Variants in GOT2 observed in about 807,000 individuals in gnomAD.
GOT2 encodes the protein aspartate aminotransferase, mitochondrial.
GOT2 carries 17 observed loss-of-function variants against 50.0 expected under a neutral mutation model. The observed-to-expected ratio is 0.34, with a 90% CI of 0.23 to 0.51. The LOEUF is 0.51. Among genes scored for constraint, GOT2 ranks in the 20% least tolerant of loss-of-function variants. The probability of loss-of-function intolerance (pLI) is 0.97; values close to 1 mark genes in which losing one functional copy is unlikely to be tolerated. For missense variants in GOT2, 430 were observed against 559.6 expected (o/e 0.77, Z 2.34); for synonymous variants, 172 against 204.9 (o/e 0.84, Z 1.37).
At chr16:58,712,158 C>A (rs2044654177) in intron 8 of GOT2, among the ~76,000 whole-genome samples, 1 of 152,124 alleles carries the variant, frequency 6.6e-6, no homozygotes, top group Admixed American at 6.6e-5. Context: ...TTCTCTAACT[C>A]CCCACTAGAA....
intron 3 of GOT2, among the ~76,000 whole-genome samples, chr16:58,721,258 C>T (rs945852720): frequency 6.6e-6 from 1 of 152,190 alleles, no homozygotes; most frequent in Non-Finnish European, 1.5e-5. Flanking sequence ...ACTCCCCAGG[C>T]TTACCCAGAA....
At chr16:58,721,331 C>T (rs2044738393) in intron 3 of GOT2, among the ~76,000 whole-genome samples, 2 of 152,130 alleles carry the variant, frequency 1.3e-5, no homozygotes, top group Admixed American at 1.3e-4. Context: ...CCACAATGTG[C>T]ACGAGTTCAC....
intron 3 of GOT2, among the ~76,000 whole-genome samples, chr16:58,720,723 C>T (rs1464231273): frequency 1.3e-5 from 2 of 151,970 alleles, no homozygotes; most frequent in Non-Finnish European, 2.9e-5. Context: ...AGACTACAGG[C>T]GTGCACCACC....
intron 8 of GOT2, among the ~76,000 whole-genome samples, chr16:58,709,927 A>T (rs1682044765): frequency 6.6e-6 from 1 of 152,238 alleles, no homozygotes; most frequent in Non-Finnish European, 1.5e-5. Context: ...AATAAATTAC[A>T]TGAGACATTC....
chr16:58,708,255 T>C lies in GOT2; in HGVS notation c.1209A>G (p.Thr403=). 9.9e-6 allele frequency: 16 copies of C among 1,614,048 alleles called. No homozygotes were observed. The highest frequency in any genetic ancestry group is 1.4e-5 in the Non-Finnish European group (16 of 1,179,924). The change falls in exon 10 of 10, where the codon ACA becomes ACG. Residue 403 remains threonine (T), a synonymous_variant. Coordinates refer to ENST00000245206, the MANE Select transcript of GOT2 (RefSeq NM_002080.4). ...RLIKEFSIYM[T]KDGRISVAGV... ...CTGCCACAGAGATGCGGCCATCTTT[T>C]GTCATGTAGATGGAGAACTCCTTGA...
At chr16:58,728,247 G>C (rs1201144097) in intron 1 of GOT2, among the ~76,000 whole-genome samples, 2 of 152,046 alleles carry the variant, frequency 1.3e-5, no homozygotes, top group Non-Finnish European at 2.9e-5. Flanking sequence ...TTTCAGTACT[G>C]GGCAAACTGT....
intron 1 of GOT2, among the ~76,000 whole-genome samples, chr16:58,728,255 T>C (rs79141805): frequency 0.041 from 6,295 of 152,258 alleles, 381 homozygotes; most frequent in East Asian, 0.29. Flanking sequence ...CTGGGCAAAC[T>C]GTACGGATTC....
At chr16:58,715,894 C>T (rs2044688133) in intron 8 of GOT2, 120 bp downstream of exon 8, 3 of 791,110 alleles carry the variant, frequency 3.8e-6, no homozygotes, top group Non-Finnish European at 5.8e-6. Context: ...GCTTCCTTCC[C>T]TGCCTTCCAC....
At chr16:58,717,564 G>T (rs975583275) in intron 6 of GOT2, among the ~76,000 whole-genome samples, 1 of 152,198 alleles carries the variant, frequency 6.6e-6, no homozygotes, top group African/African-American at 2.4e-5. Flanking sequence ...ACATGAAAAA[G>T]TGTTTAAAAA....
intron 1 of GOT2, among the ~76,000 whole-genome samples, chr16:58,731,895 C>T (rs1273119840): frequency 7.9e-5 from 12 of 152,186 alleles, no homozygotes; most frequent in Admixed American, 6.5e-4. Context: ...AGATCACTTC[C>T]ACAGTGTAAG....
At chr16:58,716,583 CACACA>C in intron 7 of GOT2, 75 bp downstream of exon 7, 12 of 1,227,026 alleles carry the variant, frequency 9.8e-6, no homozygotes, top group Admixed American at 5.6e-5. Context: ...CACACACACA[CACACA>C]CCCACAAGCT....
At chr16:58,723,638 A>G in intron 2 of GOT2, 108 bp downstream of exon 2, 1 of 888,258 alleles carries the variant, frequency 1.1e-6, no homozygotes. Context: ...TAGTGCCAGA[A>G]CTAAAGCCCA....
chr16:58,728,080 C>T (rs1486446804), intron 1 of GOT2, among the ~76,000 whole-genome samples: 1 of 152,154 alleles, frequency 6.6e-6, no homozygotes, highest in Non-Finnish European at 1.5e-5. Context: ...ATTCATGCTC[C>T]CTTGACAAGT....
Position 58,716,023 on chromosome 16 carries a change from C to T in GOT2, c.1010G>A (p.Arg337Gln), listed in dbSNP as rs770871601. 6.2e-6 allele frequency: 10 copies of T among 1,608,874 alleles called. No homozygotes were observed. In the African/African-American group the frequency reaches 8.0e-5, roughly 13 times the overall value. Residue 337 changes from arginine (R) to glutamine (Q), a missense_variant, in exon 8 of 10, where the codon CGA (arginine) becomes CAA (glutamine). Coordinates refer to ENST00000245206, the MANE Select transcript of GOT2 (RefSeq NM_002080.4). The part of the protein sequence containing the change: ...AAAILNTPDL[R>Q]KQWLQEVKVM... ...TGGCATAAACCTTTACCATTGTTTT[C>T]GCAAATCTGGGGTGTTCAGAATGGC...
At chr16:58,720,422 C>T (rs1049593509) in intron 3 of GOT2, among the ~76,000 whole-genome samples, 2 of 151,904 alleles carry the variant, frequency 1.3e-5, no homozygotes, top group African/African-American at 4.8e-5. Flanking sequence ...CTACAAAGCA[C>T]AAATGTATTT....
chr16:58,725,712 C>T (rs937445259), intron 1 of GOT2, among the ~76,000 whole-genome samples: 1 of 152,134 alleles, frequency 6.6e-6, no homozygotes, highest in African/African-American at 2.4e-5. Flanking sequence ...ACGAGTTTTG[C>T]CAGTCTGTTT....
At chr16:58,725,395 G>A (rs765884629) in intron 1 of GOT2, among the ~76,000 whole-genome samples, 2 of 152,108 alleles carry the variant, frequency 1.3e-5, no homozygotes, top group African/African-American at 2.4e-5. Flanking sequence ...GATTACAGGC[G>A]TGAGCCACTG....
intron 1 of GOT2, among the ~76,000 whole-genome samples, chr16:58,733,578 C>T (rs745716146): frequency 6.6e-6 from 1 of 152,160 alleles, no homozygotes; most frequent in African/African-American, 2.4e-5. Context: ...CGGGGGGTCG[C>T]AAGGTCAGGA....
chr16:58,711,405 C>T (rs1007965936), intron 8 of GOT2, among the ~76,000 whole-genome samples: 1 of 152,188 alleles, frequency 6.6e-6, no homozygotes. Context: ...ACTCCATTCC[C>T]ATGGCTCTGG....
Sources: gnomAD v4.1 joint callset for allele counts (sites outside exome capture counted in the v4.1 genomes callset) on GRCh38, gnomAD v4.1.1 for gene constraint, MANE v1.5 for transcripts, NCBI Gene and HGNC (gene_info 2026-07-23, HGNC 2026-07-21) for gene names.